Variants in THSD7A observed in about 807,000 individuals in gnomAD.
THSD7A encodes thrombospondin type 1 domain containing 7A, also known as thrombospondin type-1 domain-containing protein 7A.
In THSD7A, 96 loss-of-function variants were observed where a neutral mutation model predicts 231.3. That is an observed-to-expected ratio of 0.41 (90% CI 0.35 to 0.49). THSD7A has a LOEUF of 0.49. THSD7A is among the 20% of genes least tolerant of loss of function. The pLI, the probability that THSD7A is intolerant of heterozygous loss-of-function variation, is 0.05. For synonymous variants in THSD7A, 940 were observed against 743.3 expected, an observed-to-expected ratio of 1.26 and a Z score of -4.30; for missense variants, 2,290 against 2,070.2, an observed-to-expected ratio of 1.11 and a Z score of -2.06.
intron 1 of THSD7A, among the ~76,000 whole-genome samples, chr7:11,784,023 T>C (rs1783710767): frequency 6.6e-6 from 1 of 152,042 alleles, no homozygotes; most frequent in Non-Finnish European, 1.5e-5. Context: ...TTTTTAAAAA[T>C]TCCTTTTGAC....
rs376585946 is a variant in THSD7A at position 11,831,151 on chromosome 7, G to C, written c.190+606C>G. ...CAAAACAATTCTCAAGGAAGGAAGA[G>C]AAAGTTTGAACCCAGACATCCTAAA... On this transcript the variant is annotated intron_variant, in intron 1 of 27. Coordinates refer to ENST00000423059, the MANE Select transcript of THSD7A (RefSeq NM_015204.3). This position sits in a 1 kb window ranked among gnomAD's most constrained non-coding sequence, Gnocchi z 5.0. 1.5e-3 allele frequency among the ~76,000 whole-genome samples: 221 copies of C among 152,324 alleles called. No individual in the cohort carries two copies. Among genetic ancestry groups the C allele is most frequent in the African/African-American group, 5.2e-3 (218 of 41,580 alleles).
chr7:11,566,965 T>TAGCGGGAGGGG lies in THSD7A; in HGVS notation c.1453+23494_1453+23495insCCCCTCCCGCT. Among the ~76,000 whole-genome samples, 33 of 92,270 alleles carry TAGCGGGAGGGG rather than the reference T, an allele frequency of 3.6e-4. 13 individuals carry two copies. The highest frequency in any genetic ancestry group is 1.7e-3 in the African/African-American group (30 of 17,980). The allele number at this position is 92,270 out of a possible 152,430, so 60.5% of individuals were successfully genotyped here. A position where few individuals can be genotyped will look rare whatever the true frequency, so the allele number is the denominator to read the frequency against. On this transcript the variant is annotated intron_variant, in intron 4 of 27. Coordinates refer to ENST00000423059, the MANE Select transcript of THSD7A (RefSeq NM_015204.3). ...CAAAGTGGATCCAGCTGTGGGAGAG[T>TAGCGGGAGGGG]GGGGGGGGGACTGACCAACAAAGTT...
chr7:11,787,690 T>C (rs764841148), intron 1 of THSD7A, among the ~76,000 whole-genome samples: 2 of 151,974 alleles, frequency 1.3e-5, no homozygotes, highest in Non-Finnish European at 2.9e-5. Flanking sequence ...AACTGCAAAT[T>C]AGAACAATGA....
intron 2 of THSD7A, among the ~76,000 whole-genome samples, chr7:11,598,523 G>A (rs571135135): frequency 6.6e-6 from 1 of 152,308 alleles, no homozygotes; most frequent in South Asian, 2.1e-4. Flanking sequence ...CACTCACCAA[G>A]GCTGACCTGG....
chr7:11,782,908 G>T (rs1462335549), intron 1 of THSD7A, among the ~76,000 whole-genome samples: 1 of 152,056 alleles, frequency 6.6e-6, no homozygotes, highest in Non-Finnish European at 1.5e-5. Flanking sequence ...TGTTTTACTT[G>T]AATCTTAATT....
At position 11,832,121 on chromosome 7, in the gene THSD7A, G is replaced by T. The variant is rs1583327290; in HGVS notation, c.-175C>A. On this transcript the variant is annotated 5_prime_UTR_variant, in exon 1 of 28. Transcript: ENST00000423059. ...AACACCAGGGAACAATAGCGTCCGC[G>T]GTGGTGGCCGTGGCCGCTGCCGCCG... 9.8e-6 allele frequency: 4 copies of T among 410,170 alleles called. No individual in the cohort carries two copies. The highest frequency in any genetic ancestry group is 1.1e-4 in the South Asian group (1 of 8,726). 25.4% of individuals were successfully genotyped at this position (410,170 alleles called of 1,614,324 possible).
At chr7:11,576,568 T>C (rs888563454) in intron 4 of THSD7A, among the ~76,000 whole-genome samples, 1 of 152,222 alleles carries the variant, frequency 6.6e-6, no homozygotes, top group Admixed American at 6.5e-5. Flanking sequence ...CAGTAATTCA[T>C]ACCAGGTGAC....
chr7:11,484,697 G>T (rs543450263), intron 6 of THSD7A, among the ~76,000 whole-genome samples: 13 of 151,810 alleles, frequency 8.6e-5, no homozygotes, highest in African/African-American at 3.1e-4. Context: ...TTTAAGTTGT[G>T]CTAGGAAATA....
chr7:11,554,755 C>G (rs1476561119), intron 4 of THSD7A, among the ~76,000 whole-genome samples: 1 of 151,914 alleles, frequency 6.6e-6, no homozygotes, highest in Admixed American at 6.6e-5. Flanking sequence ...TTTTGGTGAA[C>G]TGTCAGTGCC....
At chr7:11,412,963 A>C (rs944188819) in intron 17 of THSD7A, among the ~76,000 whole-genome samples, 163 bp from the exon 18 acceptor site, 1 of 152,294 alleles carries the variant, frequency 6.6e-6, no homozygotes, top group Non-Finnish European at 1.5e-5. Context: ...TATAAAATGA[A>C]GGTGTTGAAT....
At chr7:11,462,911 T>G (rs1257425912) in intron 9 of THSD7A, among the ~76,000 whole-genome samples, 1 of 152,236 alleles carries the variant, frequency 6.6e-6, no homozygotes, top group African/African-American at 2.4e-5. Context: ...ATACAGATCA[T>G]GTAGCGTATA....
intron 4 of THSD7A, among the ~76,000 whole-genome samples, chr7:11,561,302 T>C (rs988417538): frequency 1.3e-5 from 2 of 152,198 alleles, no homozygotes; most frequent in Non-Finnish European, 2.9e-5. Context: ...TGTAGTAACA[T>C]AATATGATTG....
chr7:11,678,689 A>G (rs1783743138), intron 1 of THSD7A, among the ~76,000 whole-genome samples: 1 of 152,186 alleles, frequency 6.6e-6, no homozygotes, highest in Non-Finnish European at 1.5e-5. Flanking sequence ...AAGTTCTGAA[A>G]TGGGTGTAGT....
At chr7:11,691,636 C>T (rs905765994) in intron 1 of THSD7A, among the ~76,000 whole-genome samples, 1 of 151,154 alleles carries the variant, frequency 6.6e-6, no homozygotes, top group Non-Finnish European at 1.5e-5. Flanking sequence ...ATAACATCTA[C>T]AATGTTATGA....
At chr7:11,487,788 C>A (rs564941643) in intron 6 of THSD7A, among the ~76,000 whole-genome samples, 129 of 152,010 alleles carry the variant, frequency 8.5e-4, no homozygotes, top group Non-Finnish European at 1.8e-3. Flanking sequence ...TGGGGGAGAC[C>A]GACACCATTA....
At chr7:11,773,780 T>C (rs536468773) in intron 1 of THSD7A, among the ~76,000 whole-genome samples, 2 of 152,212 alleles carry the variant, frequency 1.3e-5, no homozygotes, top group South Asian at 2.1e-4. Flanking sequence ...TAATTGGGAA[T>C]TTCTACATGG....
intron 2 of THSD7A, among the ~76,000 whole-genome samples, chr7:11,594,539 C>T (rs28750443): frequency 1.3e-5 from 2 of 152,076 alleles, no homozygotes; most frequent in Non-Finnish European, 2.9e-5. Flanking sequence ...GCATTTGACG[C>T]TCCTGATTCA....
At chr7:11,775,132 A>G (rs2128172782) in intron 1 of THSD7A, among the ~76,000 whole-genome samples, 1 of 152,292 alleles carries the variant, frequency 6.6e-6, no homozygotes, top group East Asian at 1.9e-4. Flanking sequence ...TATAATTTGT[A>G]GTAAAAAGAA....
intron 1 of THSD7A, among the ~76,000 whole-genome samples, chr7:11,684,942 T>C (rs1779983139): frequency 6.6e-6 from 1 of 151,926 alleles, no homozygotes; most frequent in African/African-American, 2.4e-5. Flanking sequence ...TGAACAAAGC[T>C]GGAGGCATAA....
Sources: allele counts gnomAD v4.1 joint callset (sites outside exome capture counted in the v4.1 genomes callset), GRCh38; gene constraint gnomAD v4.1.1; non-coding constraint Gnocchi (gnomAD v3.1); transcripts MANE v1.5; gene names NCBI Gene and HGNC (gene_info 2026-07-23, HGNC 2026-07-21).